Variants in MOB3B observed in about 807,000 individuals in gnomAD.
The protein encoded by MOB3B is MOB kinase activator-like 2B.
In MOB3B, 7 loss-of-function variants were observed where a neutral mutation model predicts 18.7. The observed-to-expected ratio is 0.37, with a 90% CI of 0.21 to 0.70. The LOEUF is 0.70. Ranked by LOEUF, MOB3B falls within the 30% of genes least tolerant of loss-of-function variation. The probability of loss-of-function intolerance (pLI) is 0.52; values close to 1 mark genes in which losing one functional copy is unlikely to be tolerated. For synonymous variants in MOB3B, 111 were observed against 99.9 expected (o/e 1.11, Z -0.66); for missense variants, 253 against 281.3 (o/e 0.90, Z 0.72).
intron 2 of MOB3B, among the ~76,000 whole-genome samples, chr9:27,454,467 T>C (rs996660226): frequency 6.6e-6 from 1 of 152,226 alleles, no homozygotes; most frequent in African/African-American, 2.4e-5. Context: ...AAAAATCTAA[T>C]GACCAGCATC....
At chr9:27,335,283 T>A (rs1453706999) in intron 3 of MOB3B, among the ~76,000 whole-genome samples, 1 of 152,206 alleles carries the variant, frequency 6.6e-6, no homozygotes, top group African/African-American at 2.4e-5. Context: ...GGAGGAAACA[T>A]GGGTGTCACC....
intron 1 of MOB3B, among the ~76,000 whole-genome samples, chr9:27,495,363 TA>T (rs1280459348): frequency 6.6e-6 from 1 of 151,918 alleles, no homozygotes; most frequent in African/African-American, 2.4e-5. Context: ...AATAAATAAA[TA>T]AATTAATTAA....
intron 1 of MOB3B, among the ~76,000 whole-genome samples, chr9:27,507,005 C>A (rs1346673691): frequency 1.3e-5 from 2 of 152,124 alleles, no homozygotes; most frequent in East Asian, 3.9e-4. Context: ...TGACCATAGT[C>A]TTATGATGTA....
chr9:27,494,429 G>T (rs1225459698), intron 1 of MOB3B, among the ~76,000 whole-genome samples: 1 of 152,122 alleles, frequency 6.6e-6, no homozygotes, highest in Non-Finnish European at 1.5e-5. Flanking sequence ...CTACCGACAT[G>T]TGATGTCTCC....
At chr9:27,452,166 TAA>T (rs1254967601) in intron 2 of MOB3B, among the ~76,000 whole-genome samples, 2 of 152,144 alleles carry the variant, frequency 1.3e-5, no homozygotes, top group African/African-American at 4.8e-5. Context: ...TGGGCCTTTA[TAA>T]AGATTATTTT....
At chr9:27,494,045 C>G (rs1275261091) in intron 1 of MOB3B, among the ~76,000 whole-genome samples, 2 of 152,162 alleles carry the variant, frequency 1.3e-5, no homozygotes, top group Non-Finnish European at 2.9e-5. Context: ...CAGCCCCCAC[C>G]CAGGTGCACC....
At position 27,455,660 on chromosome 9, in the gene MOB3B, A is replaced by G. The variant is rs1172107006; in HGVS notation, c.-110T>C. ...TTTCCACTGCCAGCACTCAGGCCCCAGTCTTACAGCCTGTAGCTTTTAAGC... is the reference window on the plus strand; with the variant it reads ...TTTCCACTGCCAGCACTCAGGCCCCGGTCTTACAGCCTGTAGCTTTTAAGC... On this transcript the variant is annotated 5_prime_UTR_variant, in exon 2 of 4. Coordinates refer to ENST00000262244, the MANE Select transcript of MOB3B (RefSeq NM_024761.5). 1.4e-5 allele frequency: 22 copies of G among 1,557,232 alleles called. No homozygotes were observed. Among genetic ancestry groups the G allele is most frequent in the Non-Finnish European group, 1.8e-5 (21 of 1,161,364 alleles).
intron 3 of MOB3B, among the ~76,000 whole-genome samples, chr9:27,355,335 C>T (rs928255972): frequency 1.3e-5 from 2 of 152,028 alleles, no homozygotes; most frequent in Admixed American, 6.6e-5. Context: ...CCACCGGTGG[C>T]GTGGGAACTC....
intron 2 of MOB3B, among the ~76,000 whole-genome samples, chr9:27,407,534 T>C (rs1391352746): frequency 1.3e-5 from 2 of 152,100 alleles, no homozygotes; most frequent in African/African-American, 4.8e-5. Context: ...GAGAGCTTGA[T>C]TTTATGGTGG....
At chr9:27,448,373 A>G (rs1482244212) in intron 2 of MOB3B, among the ~76,000 whole-genome samples, 4 of 152,336 alleles carry the variant, frequency 2.6e-5, no homozygotes, top group Admixed American at 2.6e-4. Flanking sequence ...GGTAACTTAT[A>G]AAGAAAAAGA....
rs75632094 is a variant in MOB3B at position 27,338,544 on chromosome 9, C to T, written c.622-7928G>A. Among the ~76,000 whole-genome samples the T allele has an allele frequency of 6.3e-3, 951 of 152,138 alleles. 54 individuals are homozygous for T. In the East Asian group the frequency reaches 0.13, roughly 21 times the overall value. The stretch of plus-strand genomic sequence containing the variant: ...CAGGCTGCTTGCTGCAGGGAAATCC[C>T]CGGAAAAAGAGAGGAGAGAAAAAAA... On this transcript the variant is annotated intron_variant, in intron 3 of 3. Coordinates refer to ENST00000262244, the MANE Select transcript of MOB3B (RefSeq NM_024761.5).
intron 1 of MOB3B, among the ~76,000 whole-genome samples, chr9:27,497,577 T>A (rs942842313): frequency 6.6e-6 from 1 of 151,978 alleles, no homozygotes; most frequent in Non-Finnish European, 1.5e-5. Flanking sequence ...TAGTTTCAGG[T>A]GATTTTAATT....
At chr9:27,368,383 CACAT>C (rs919527965) in intron 2 of MOB3B, among the ~76,000 whole-genome samples, 9 of 150,506 alleles carry the variant, frequency 6.0e-5, no homozygotes, top group African/African-American at 2.0e-4. Context: ...CACACACACA[CACAT>C]ACAGAGAGGG....
chr9:27,525,451 G>A (rs577018814), intron 1 of MOB3B, among the ~76,000 whole-genome samples: 5 of 152,180 alleles, frequency 3.3e-5, no homozygotes, highest in East Asian at 3.9e-4. Context: ...CCTCCTGCTC[G>A]GGGGGAAAAA....
In MOB3B at chr9:27,325,507, T is replaced by C. The variant is rs969295611; in HGVS notation, c.*5080A>G. 6.6e-6 allele frequency: 1 copy of C among 152,252 alleles called. No homozygotes were observed. Among genetic ancestry groups the C allele is most frequent in the East Asian group, 1.9e-4 (1 of 5,206 alleles). 9.4% of individuals were successfully genotyped at this position (152,252 alleles called of 1,614,324 possible). On this transcript the variant is annotated 3_prime_UTR_variant, in exon 4 of 4. Coordinates refer to ENST00000262244, the MANE Select transcript of MOB3B (RefSeq NM_024761.5). ...CCTTCATAAGTTACACAAATCCTTATGTAGTCACTGAAAATTCTTACTCAG... is the reference window on the plus strand; with the variant it reads ...CCTTCATAAGTTACACAAATCCTTACGTAGTCACTGAAAATTCTTACTCAG...
chr9:27,342,135 G>C (rs1368019914), intron 3 of MOB3B, among the ~76,000 whole-genome samples: 4 of 152,188 alleles, frequency 2.6e-5, no homozygotes, highest in Non-Finnish European at 5.9e-5. Context: ...GACTGGGACA[G>C]AGCCCGGCAT....
At chr9:27,420,358 A>G (rs764434861) in intron 2 of MOB3B, among the ~76,000 whole-genome samples, 1 of 151,746 alleles carries the variant, frequency 6.6e-6, no homozygotes, top group Non-Finnish European at 1.5e-5. Context: ...TTGCACACAC[A>G]TGTTTATAGC....
intron 2 of MOB3B, chr9:27,396,968 AATCT>A (rs1180659456): frequency 2.0e-5 from 3 of 152,226 alleles, no homozygotes; most frequent in African/African-American, 7.2e-5. Context: ...ACTAGAATAC[AATCT>A]CCTGATATTT....
intron 2 of MOB3B, among the ~76,000 whole-genome samples, chr9:27,410,845 T>C (rs1220554064): frequency 1.3e-5 from 2 of 152,242 alleles, no homozygotes; most frequent in Non-Finnish European, 2.9e-5. Flanking sequence ...TATCTTTCTC[T>C]CTATATAGCT....
Sources: gnomAD v4.1 joint callset for allele counts (sites outside exome capture counted in the v4.1 genomes callset) on GRCh38, gnomAD v4.1.1 for gene constraint, MANE v1.5 for transcripts, NCBI Gene and HGNC (gene_info 2026-07-23, HGNC 2026-07-21) for gene names.